Variants in ZNF248 observed in about 807,000 individuals in gnomAD.
ZNF248 encodes the protein KRAB protein domain.
A neutral mutation model predicts 44.3 loss-of-function variants in ZNF248; 20 were observed. The observed-to-expected ratio is 0.45, with a 90% CI of 0.32 to 0.66. ZNF248 has a LOEUF of 0.66. Ranked by LOEUF, ZNF248 falls within the 30% of genes least tolerant of loss-of-function variation. The pLI, the probability that ZNF248 is intolerant of heterozygous loss-of-function variation, is 0.04. For synonymous variants in ZNF248, 224 were observed against 229.0 expected (o/e 0.98, Z 0.20); for missense variants, 654 against 677.0 (o/e 0.97, Z 0.38).
intron 6 of ZNF248, among the ~76,000 whole-genome samples, chr10:37,789,256 C>T (rs1044336376): frequency 6.6e-6 from 1 of 151,414 alleles, no homozygotes; most frequent in Non-Finnish European, 1.5e-5. Context: ...GAATTGTACA[C>T]AGTGGATGAA....
At chr10:37,777,035 T>C (rs1246613852) in intron 6 of ZNF248, among the ~76,000 whole-genome samples, 1 of 152,144 alleles carries the variant, frequency 6.6e-6, no homozygotes, top group Non-Finnish European at 1.5e-5. Flanking sequence ...TTTTTACATA[T>C]GCCAAAAATG....
intron 4 of ZNF248, 40 bp from the exon 5 acceptor site, chr10:37,837,752 T>C (rs2134106918): frequency 6.3e-7 from 1 of 1,585,882 alleles, no homozygotes; most frequent in East Asian, 2.2e-5. Flanking sequence ...GCTAAATAGC[T>C]TGGTTTCAGG....
At chr10:37,855,618 C>T (rs1341237287) in intron 3 of ZNF248, among the ~76,000 whole-genome samples, 1 of 152,184 alleles carries the variant, frequency 6.6e-6, no homozygotes. Context: ...CAGACACCAA[C>T]AGAGGAGACT....
chr10:37,770,763 T>C, the ZNF248 span, among the ~76,000 whole-genome samples: 1 of 151,914 alleles, frequency 6.6e-6, no homozygotes, highest in African/African-American at 2.4e-5. Flanking sequence ...AAAGACAAAA[T>C]TGACAAATGG....
intron 6 of ZNF248, among the ~76,000 whole-genome samples, chr10:37,792,986 G>A (rs535422702): frequency 1.4e-4 from 21 of 152,178 alleles, no homozygotes; most frequent in Non-Finnish European, 2.8e-4. Flanking sequence ...TAACATCATG[G>A]GAACTGGGTG....
At chr10:37,805,257 T>C (rs1232544740) in intron 6 of ZNF248, among the ~76,000 whole-genome samples, 1 of 152,202 alleles carries the variant, frequency 6.6e-6, no homozygotes, top group Non-Finnish European at 1.5e-5. Context: ...GCAGAGAGTA[T>C]ACTACTGAGT....
intron 3 of ZNF248, among the ~76,000 whole-genome samples, chr10:37,849,658 G>C (rs1298329633): frequency 6.6e-6 from 1 of 151,852 alleles, no homozygotes; most frequent in Non-Finnish European, 1.5e-5. Context: ...CTGCACTCTA[G>C]CCTCGGCAAC....
chr10:37,770,670 T>C, the ZNF248 span, among the ~76,000 whole-genome samples: 2 of 152,138 alleles, frequency 1.3e-5, no homozygotes, highest in African/African-American at 4.8e-5. Context: ...ATAAAAACCC[T>C]AGAAGAAAAC....
chr10:37,787,589 C>A (rs2048030566), intron 6 of ZNF248, among the ~76,000 whole-genome samples: 1 of 150,084 alleles, frequency 6.7e-6, no homozygotes. Flanking sequence ...TTAAATTTGG[C>A]ATTAAAACAA....
downstream of ZNF248, among the ~76,000 whole-genome samples, chr10:37,774,644 T>C (rs1378777268): frequency 1.3e-5 from 2 of 152,198 alleles, no homozygotes; most frequent in Non-Finnish European, 2.9e-5. Flanking sequence ...ACAAACAGCG[T>C]GGCAATCACA....
chr10:37,804,436 AT>A (rs1274089771), intron 6 of ZNF248, among the ~76,000 whole-genome samples: 2 of 149,484 alleles, frequency 1.3e-5, no homozygotes, highest in Admixed American at 6.7e-5. Flanking sequence ...TTATGTATTT[AT>A]TTATTTCTTT....
At chr10:37,799,817 T>C (rs2049584165) in intron 6 of ZNF248, among the ~76,000 whole-genome samples, 2 of 152,178 alleles carry the variant, frequency 1.3e-5, no homozygotes, top group South Asian at 4.1e-4. Flanking sequence ...CAACTGGTGT[T>C]ATGTGGAAAA....
At chr10:37,780,220 C>T (rs2047119792) in intron 6 of ZNF248, among the ~76,000 whole-genome samples, 1 of 151,800 alleles carries the variant, frequency 6.6e-6, no homozygotes, top group Admixed American at 6.6e-5. Flanking sequence ...CAATCCTAAG[C>T]CAAAAGAACA....
intron 6 of ZNF248, among the ~76,000 whole-genome samples, chr10:37,815,588 G>A (rs1022636406): frequency 3.3e-5 from 5 of 151,996 alleles, no homozygotes; most frequent in African/African-American, 1.2e-4. Context: ...TTAAGACAGT[G>A]TTTTAATTTG....
At chr10:37,788,431 G>A (rs1359772795) in intron 6 of ZNF248, among the ~76,000 whole-genome samples, 1 of 152,040 alleles carries the variant, frequency 6.6e-6, no homozygotes, top group Non-Finnish European at 1.5e-5. Flanking sequence ...GACTAACCTG[G>A]TCAACATGGT....
chr10:37,798,690 C>T (rs1350781147), intron 6 of ZNF248, among the ~76,000 whole-genome samples: 1 of 151,618 alleles, frequency 6.6e-6, no homozygotes, highest in Non-Finnish European at 1.5e-5. Context: ...CACATATATA[C>T]ATGCAGGTAG....
downstream of ZNF248, among the ~76,000 whole-genome samples, chr10:37,771,947 C>T (rs2046258901): frequency 6.6e-6 from 1 of 152,106 alleles, no homozygotes; most frequent in Admixed American, 6.5e-5. Context: ...GCAACAAACC[C>T]CTAAGACATT....
chr10:37,775,035 G>T (rs2046471011), downstream of ZNF248, among the ~76,000 whole-genome samples: 1 of 152,000 alleles, frequency 6.6e-6, no homozygotes, highest in Non-Finnish European at 1.5e-5. Context: ...CTCCCAAAGT[G>T]CTGGGATTTC....
intron 6 of ZNF248, chr10:37,803,688 G>C (rs2050116664): frequency 6.6e-6 from 1 of 152,346 alleles, no homozygotes; most frequent in African/African-American, 2.4e-5. Flanking sequence ...TTTATTCCAA[G>C]GATGCTGGGA....
Sources: allele counts gnomAD v4.1 joint callset (sites outside exome capture counted in the v4.1 genomes callset), GRCh38; gene constraint gnomAD v4.1.1; transcripts MANE v1.5; gene names NCBI Gene and HGNC (gene_info 2026-07-23, HGNC 2026-07-21).